The following COLEC12 variants were observed in gnomAD, a reference collection of about 807,000 sequenced individuals.
COLEC12 encodes collectin subfamily member 12, also known as collectin-12.
A neutral mutation model predicts 71.1 loss-of-function variants in COLEC12; 33 were observed. That is an observed-to-expected ratio of 0.46 (90% CI 0.35 to 0.62). The LOEUF is 0.62. Among genes scored for constraint, COLEC12 ranks in the 20% least tolerant of loss-of-function variants. The pLI is 0.00. For synonymous variants in COLEC12, 350 were observed against 353.0 expected, an observed-to-expected ratio of 0.99 and a Z score of 0.10; for missense variants, 765 against 916.1, an observed-to-expected ratio of 0.84 and a Z score of 2.13.
At chr18:321,238 G>A (rs570899067) in intron 9 of COLEC12, among the ~76,000 whole-genome samples, 193 of 152,284 alleles carry the variant, frequency 1.3e-3, no homozygotes, top group Non-Finnish European at 2.2e-3. Context: ...ATTTTTAGTA[G>A]AGATGGGGTT....
rs1416276994 is a variant in COLEC12, at chr18:369,635, C to G, written c.59-12113G>C. On this transcript the variant is annotated intron_variant, in intron 2 of 9. Transcript: ENST00000400256. ...TTTTACACATTAAATGTTTTGAATT[C>G]AAAATTTCCATGGAAACAAGGTAAA... 2.6e-5 allele frequency among the ~76,000 whole-genome samples: 4 copies of G among 152,104 alleles called. No homozygotes were observed. The East Asian group carries it at 5.8e-4, about 22-fold the overall frequency.
intron 3 of COLEC12, among the ~76,000 whole-genome samples, chr18:350,174 A>G (rs577438688): frequency 8.3e-4 from 126 of 152,320 alleles, no homozygotes; most frequent in African/African-American, 2.7e-3. Flanking sequence ...TGTTGTGGGA[A>G]GGACCCAGTG....
intron 2 of COLEC12, among the ~76,000 whole-genome samples, chr18:401,776 T>C (rs557405302): frequency 6.6e-6 from 1 of 152,280 alleles, no homozygotes; most frequent in South Asian, 2.1e-4. Flanking sequence ...CTGGGTACAA[T>C]GTATTGAGGC....
intron 1 of COLEC12, among the ~76,000 whole-genome samples, chr18:483,050 TATAA>T (rs1368026287): frequency 6.6e-6 from 1 of 152,234 alleles, no homozygotes; most frequent in Non-Finnish European, 1.5e-5. Flanking sequence ...GTATGCTATC[TATAA>T]ACACAATGTG....
chr18:429,828 C>T (rs1169856115), intron 2 of COLEC12, among the ~76,000 whole-genome samples: 1 of 152,122 alleles, frequency 6.6e-6, no homozygotes, highest in Non-Finnish European at 1.5e-5. Flanking sequence ...CGTAAAGATT[C>T]CTCATCCATC....
chr18:422,203 T>C (rs1230325363), intron 2 of COLEC12, among the ~76,000 whole-genome samples: 1 of 152,222 alleles, frequency 6.6e-6, no homozygotes, highest in Non-Finnish European at 1.5e-5. Flanking sequence ...TAGGACTACG[T>C]AATTTGCCAG....
intron 2 of COLEC12, among the ~76,000 whole-genome samples, chr18:412,115 G>A (rs1031254514): frequency 1.3e-5 from 2 of 152,134 alleles, no homozygotes; most frequent in Admixed American, 6.6e-5. Context: ...TTCAGATGAT[G>A]AGTGAATTCC....
At chr18:449,451 T>C (rs1916715685) in intron 2 of COLEC12, among the ~76,000 whole-genome samples, 1 of 152,190 alleles carries the variant, frequency 6.6e-6, no homozygotes, top group Non-Finnish European at 1.5e-5. Context: ...ACCTGCAACA[T>C]AATGGAAACA....
chr18:350,377 T>C (rs1914486620), intron 3 of COLEC12, among the ~76,000 whole-genome samples: 1 of 152,194 alleles, frequency 6.6e-6, no homozygotes, highest in African/African-American at 2.4e-5. Context: ...TAATTCCAGT[T>C]AAACCTCTTG....
At chr18:458,651 CA>C (rs943409346) in intron 2 of COLEC12, among the ~76,000 whole-genome samples, 11 of 152,380 alleles carry the variant, frequency 7.2e-5, no homozygotes, top group African/African-American at 2.4e-4. Flanking sequence ...ACCACCTGTT[CA>C]AAAGCCCCTT....
At chr18:322,318 T>C (rs904430810) in intron 8 of COLEC12, among the ~76,000 whole-genome samples, 3 of 152,196 alleles carry the variant, frequency 2.0e-5, no homozygotes, top group African/African-American at 7.2e-5. Context: ...ACTTTTGATA[T>C]ACATTTACAA....
chr18:494,949 C>T (rs1461782139), intron 1 of COLEC12, among the ~76,000 whole-genome samples: 1 of 152,136 alleles, frequency 6.6e-6, no homozygotes, highest in Non-Finnish European at 1.5e-5. Context: ...CATTTTAAAA[C>T]CCCCATGCTG....
At chr18:456,397 T>C (rs1188760213) in intron 2 of COLEC12, among the ~76,000 whole-genome samples, 1 of 152,144 alleles carries the variant, frequency 6.6e-6, no homozygotes. Flanking sequence ...CGTGAGCAAC[T>C]TGTACTCATA....
intron 2 of COLEC12, among the ~76,000 whole-genome samples, chr18:374,330 ACT>A (rs1598343226): frequency 6.6e-6 from 1 of 152,174 alleles, no homozygotes; most frequent in African/African-American, 2.4e-5. Context: ...ATCCTTTTAA[ACT>A]CTGTTTTGAA....
At chr18:321,385 A>C (rs1470269194) in intron 9 of COLEC12, among the ~76,000 whole-genome samples, 1 of 152,216 alleles carries the variant, frequency 6.6e-6, no homozygotes. Flanking sequence ...ATTAACTCAC[A>C]ATATAAGATA....
intron 2 of COLEC12, among the ~76,000 whole-genome samples, chr18:388,362 C>T (rs1477809368): frequency 6.6e-6 from 1 of 152,198 alleles, no homozygotes; most frequent in Non-Finnish European, 1.5e-5. Flanking sequence ...TCCGTATAAT[C>T]TCTAACTAAA....
intron 2 of COLEC12, among the ~76,000 whole-genome samples, chr18:418,507 T>C (rs1232043874): frequency 6.6e-6 from 1 of 152,190 alleles, no homozygotes; most frequent in African/African-American, 2.4e-5. Flanking sequence ...TGAAACCTAC[T>C]GGGCTGCATT....
chr18:485,018 T>C (rs1218382167), intron 1 of COLEC12, among the ~76,000 whole-genome samples: 3 of 152,184 alleles, frequency 2.0e-5, no homozygotes, highest in Admixed American at 6.5e-5. Context: ...AGTGTCCCCA[T>C]TGACTAAAAC....
At chr18:351,490 C>T (rs1197657438) in intron 3 of COLEC12, among the ~76,000 whole-genome samples, 3 of 152,194 alleles carry the variant, frequency 2.0e-5, no homozygotes, top group African/African-American at 7.2e-5. Flanking sequence ...AATTTACATT[C>T]AATTCCATCT....
Sources: allele counts gnomAD v4.1 joint callset (sites outside exome capture counted in the v4.1 genomes callset), GRCh38; gene constraint gnomAD v4.1.1; transcripts MANE v1.5; gene names NCBI Gene and HGNC (gene_info 2026-07-23, HGNC 2026-07-21).